The following MGLL variants were observed in gnomAD, a reference collection of about 807,000 sequenced individuals.
MGLL encodes monoglyceride lipase.
Under a neutral mutation model 29.1 loss-of-function variants are expected in MGLL, and 7 were observed. The ratio of observed to expected loss-of-function variants is 0.24; its 90% CI spans 0.14 to 0.45. The LOEUF (loss-of-function observed/expected upper bound fraction) is 0.45, where lower values mean the gene tolerates loss of function less well. MGLL is among the 20% of genes least tolerant of loss of function. MGLL has a pLI of 0.99. For synonymous variants in MGLL, 148 were observed against 168.3 expected, an observed-to-expected ratio of 0.88 and a Z score of 0.93; for missense variants, 356 against 413.6, an observed-to-expected ratio of 0.86 and a Z score of 1.21.
chr3:127,816,674 C>T (rs1178825139), intron 2 of MGLL, among the ~76,000 whole-genome samples: 3 of 152,122 alleles, frequency 2.0e-5, no homozygotes, highest in Non-Finnish European at 4.4e-5. Context: ...GGGAAGTGCC[C>T]GAGGATGGCA....
chr3:127,799,730 A>G (rs1267080030), intron 2 of MGLL, among the ~76,000 whole-genome samples: 2 of 152,194 alleles, frequency 1.3e-5, no homozygotes, highest in Admixed American at 6.5e-5. Flanking sequence ...GCAGCTCACT[A>G]CAGTAGTACC....
At chr3:127,822,660 C>T (rs939766788), upstream of MGLL, 2 of 347,142 alleles carry the variant, frequency 5.8e-6, no homozygotes, top group Non-Finnish European at 1.1e-5. Flanking sequence ...CCGCGCACAC[C>T]GAGGCACCTC....
chr3:127,776,639 G>A (rs142637289), intron 3 of MGLL, among the ~76,000 whole-genome samples: 34 of 152,276 alleles, frequency 2.2e-4, no homozygotes, highest in Admixed American at 1.6e-3. Context: ...TGGCACTTAC[G>A]GGCTCTCCAC....
intron 6 of MGLL, 59 bp from the exon 7 acceptor site, chr3:127,695,249 G>T: frequency 6.6e-7 from 1 of 1,525,294 alleles, no homozygotes; most frequent in Non-Finnish European, 9.1e-7. Flanking sequence ...CATAAGCCAG[G>T]CCTATTTCCT....
At chr3:127,765,157 T>C (rs2076834847) in intron 3 of MGLL, among the ~76,000 whole-genome samples, 1 of 152,238 alleles carries the variant, frequency 6.6e-6, no homozygotes, top group Admixed American at 6.5e-5. Context: ...TTTCATTTCC[T>C]AGAATTATTC....
chr3:127,733,093 A>G (rs1234920674), intron 3 of MGLL, among the ~76,000 whole-genome samples: 2 of 152,200 alleles, frequency 1.3e-5, no homozygotes, highest in Non-Finnish European at 2.9e-5. Flanking sequence ...TTGGCACAAG[A>G]TACAGGCCAT....
chr3:127,704,634 G>GA (rs1182004127), intron 6 of MGLL, among the ~76,000 whole-genome samples: 3 of 152,188 alleles, frequency 2.0e-5, no homozygotes, highest in African/African-American at 7.2e-5. Context: ...AGAAACACAT[G>GA]AAAAAAAGCT....
intron 3 of MGLL, among the ~76,000 whole-genome samples, chr3:127,767,847 T>C (rs777972116): frequency 1.3e-5 from 2 of 152,212 alleles, no homozygotes; most frequent in Non-Finnish European, 2.9e-5. Flanking sequence ...GTAATAATAA[T>C]GAACAGGTGA....
chr3:127,772,426 C>A (rs2076965438), intron 3 of MGLL, among the ~76,000 whole-genome samples: 1 of 152,184 alleles, frequency 6.6e-6, no homozygotes, highest in Non-Finnish European at 1.5e-5. Context: ...CAAATTAGAG[C>A]CAAGGTCTGT....
intron 3 of MGLL, among the ~76,000 whole-genome samples, chr3:127,752,866 TAG>T (rs1305076003): frequency 6.6e-6 from 1 of 152,146 alleles, no homozygotes; most frequent in Admixed American, 6.5e-5. Context: ...GCTTGTCAGG[TAG>T]AGTTTTCCTG....
At chr3:127,800,631 C>A (rs1450889385) in intron 2 of MGLL, among the ~76,000 whole-genome samples, 2 of 152,204 alleles carry the variant, frequency 1.3e-5, no homozygotes, top group Non-Finnish European at 2.9e-5. Context: ...CATTAGTCAG[C>A]CTATACCAGA....
intron 2 of MGLL, among the ~76,000 whole-genome samples, chr3:127,801,280 C>T (rs951808727): frequency 8.2e-6 from 1 of 121,290 alleles, no homozygotes; most frequent in Admixed American, 9.7e-5. Flanking sequence ...CCAGCCTGGG[C>T]AACAAGAGTG....
chr3:127,729,711 T>C (rs1417430961), intron 3 of MGLL, among the ~76,000 whole-genome samples: 3 of 152,192 alleles, frequency 2.0e-5, no homozygotes, highest in Admixed American at 6.5e-5. Flanking sequence ...GCCCAGTCTA[T>C]TTCTGGATTT....
At chr3:127,790,682 G>T (rs969408813) in intron 2 of MGLL, among the ~76,000 whole-genome samples, 1 of 152,154 alleles carries the variant, frequency 6.6e-6, no homozygotes, top group Admixed American at 6.5e-5. Flanking sequence ...CTGCCCTTAC[G>T]GAAGTCGCAT....
At chr3:127,725,558 G>A (rs902031366) in intron 3 of MGLL, among the ~76,000 whole-genome samples, 2 of 151,964 alleles carry the variant, frequency 1.3e-5, no homozygotes, top group African/African-American at 4.8e-5. Flanking sequence ...TCTGTGTAGG[G>A]CTTCGTTCAC....
intron 2 of MGLL, among the ~76,000 whole-genome samples, 198 bp from the exon 3 acceptor site, chr3:127,782,093 G>A (rs2077137968): frequency 6.6e-6 from 1 of 152,162 alleles, no homozygotes; most frequent in Non-Finnish European, 1.5e-5. Context: ...GTGGTGGCAT[G>A]CGCCTGTCAT....
At chr3:127,772,271 C>T (rs561336700) in intron 3 of MGLL, among the ~76,000 whole-genome samples, 9 of 152,266 alleles carry the variant, frequency 5.9e-5, no homozygotes, top group Non-Finnish European at 1.0e-4. Flanking sequence ...TCCAGAGCCC[C>T]GCTCCCCCAA....
chr3:127,800,328 C>T (rs915492517), intron 2 of MGLL, among the ~76,000 whole-genome samples: 25 of 152,194 alleles, frequency 1.6e-4, no homozygotes, highest in African/African-American at 6.0e-4. Flanking sequence ...GGTCTCTGTG[C>T]TCAGCCTGCA....
chr3:127,793,611 G>A (rs893792026), intron 2 of MGLL, among the ~76,000 whole-genome samples: 1 of 152,196 alleles, frequency 6.6e-6, no homozygotes, highest in African/African-American at 2.4e-5. Flanking sequence ...CCCCAGGCTG[G>A]AGTGTGATGG....
Sources: gnomAD v4.1 joint callset for allele counts (sites outside exome capture counted in the v4.1 genomes callset) on GRCh38, gnomAD v4.1.1 for gene constraint, MANE v1.5 for transcripts, NCBI Gene and HGNC (gene_info 2026-07-23, HGNC 2026-07-21) for gene names.